Variants in PRMT7 observed in about 807,000 individuals in gnomAD.
The protein encoded by PRMT7 is protein arginine methyltransferase 7.
Under a neutral mutation model 85.4 loss-of-function variants are expected in PRMT7, and 75 were observed. The ratio of observed to expected loss-of-function variants is 0.88; its 90% CI spans 0.73 to 1.06. PRMT7 has a LOEUF of 1.06. PRMT7 is among the 50% of genes least tolerant of loss of function. PRMT7 has a pLI of 0.00. For synonymous variants in PRMT7, 397 were observed against 359.5 expected, an observed-to-expected ratio of 1.10 and a Z score of -1.18; for missense variants, 868 against 915.2, an observed-to-expected ratio of 0.95 and a Z score of 0.67.
At chr16:68,330,669 A>G (rs1026953621) in intron 6 of PRMT7, among the ~76,000 whole-genome samples, 1 of 152,064 alleles carries the variant, frequency 6.6e-6, no homozygotes, top group Non-Finnish European at 1.5e-5. Flanking sequence ...ATCTCAGCTC[A>G]CTGCAACCTC....
At chr16:68,328,049 A>G in intron 5 of PRMT7, 1 of 200,250 alleles carries the variant, frequency 5.0e-6, no homozygotes. Context: ...GTTAATTTAT[A>G]AATTATTATT....
chr16:68,332,249 C>T (rs1473666542), intron 6 of PRMT7, among the ~76,000 whole-genome samples: 1 of 152,152 alleles, frequency 6.6e-6, no homozygotes, highest in East Asian at 1.9e-4. Flanking sequence ...TGGACCCTGT[C>T]CTTTGCATTG....
chr16:68,335,372 G>T (rs1487627163), intron 6 of PRMT7, among the ~76,000 whole-genome samples: 1 of 141,248 alleles, frequency 7.1e-6, no homozygotes, highest in Non-Finnish European at 1.6e-5. Context: ...TTGATTGATT[G>T]AGGCAGAAAC....
In PRMT7 at chr16:68,339,486, CTCTG is replaced by C. The variant is rs773746102; in HGVS notation, c.675_678del (p.Cys226ThrfsTer4). The C allele has an allele frequency of 1.2e-6, 2 of 1,614,190 alleles. No homozygotes were observed. The highest frequency in any genetic ancestry group is 2.2e-5 in the East Asian group (1 of 44,874). ...ACGTGGAGAGCTGCCCTGGCGCACC[CTCTG>C]TCTGTGACATTCAGCTGAACCAGGT... is the stretch of plus-strand genomic sequence containing the variant. On this transcript the variant is annotated frameshift_variant, in exon 8 of 19. Coordinates refer to ENST00000441236, the MANE Select transcript of PRMT7 (RefSeq NM_019023.5). LOFTEE classifies it high-confidence loss of function.
intron 2 of PRMT7, among the ~76,000 whole-genome samples, chr16:68,314,547 T>G (rs1306185003): frequency 1.3e-5 from 2 of 152,236 alleles, no homozygotes; most frequent in African/African-American, 4.8e-5. Context: ...CTCATCTATT[T>G]GTGTAAGAAT....
intron 5 of PRMT7, among the ~76,000 whole-genome samples, chr16:68,327,617 C>A (rs1039892384): frequency 6.6e-6 from 1 of 152,218 alleles, no homozygotes; most frequent in East Asian, 1.9e-4. Flanking sequence ...TTTCACTTTT[C>A]GTGATTTCAG....
rs1597358322 is a variant in PRMT7, at chr16:68,339,604, T to A, written c.746+41T>A. The A allele has an allele frequency of 2.5e-6, 4 of 1,607,158 alleles. No homozygotes were observed. In the East Asian group the frequency reaches 8.9e-5, roughly 36 times the overall value. On this transcript the variant is annotated intron_variant, in intron 8 of 18. Transcript: ENST00000441236. Reference sequence around the variant, plus strand: ...CATAGGTGATGGCGCTTTGAGACATTTGATGGAAGTTGGGTATTAGGAGGT... The same window carrying A: ...CATAGGTGATGGCGCTTTGAGACATATGATGGAAGTTGGGTATTAGGAGGT...
At position 68,337,512 on chromosome 16, in the gene PRMT7, G is replaced by C. The variant is rs748180107; in HGVS notation, c.445G>C (p.Glu149Gln). ...NILVTELFDT[E>Q]LIGEGALPSY... The stretch of plus-strand genomic sequence containing the variant: ...CCTGGTCACAGAGTTGTTTGACACA[G>C]AGCTGATCGGGGAGGGGGCGCTGCC... Residue 149 changes from glutamate (E) to glutamine (Q), a missense_variant, in exon 7 of 19, where the codon GAG becomes CAG. Physicochemically the swap from Glu to Gln is conservative, Grantham distance 29. Transcript: ENST00000441236. 1 of 1,612,710 alleles carries C rather than the reference G, an allele frequency of 6.2e-7. No individual in the cohort carries two copies. The highest frequency in any genetic ancestry group is 8.5e-7 in the Non-Finnish European group (1 of 1,179,116).
chr16:68,345,845 T>G, intron 10 of PRMT7, 43 bp downstream of exon 10: 1 of 1,610,740 alleles, frequency 6.2e-7, no homozygotes. Context: ...CCTCTGAGAC[T>G]TGTATGTAAA....
At chr16:68,315,129 A>G (rs1336670417) in intron 2 of PRMT7, 2 of 151,452 alleles carry the variant, frequency 1.3e-5, no homozygotes, top group Admixed American at 6.6e-5. Context: ...AAAAAAAAAG[A>G]AAAAGAATGC....
At chr16:68,355,416 A>G (rs575264487) in intron 16 of PRMT7, 1 of 248,226 alleles carries the variant, frequency 4.0e-6, no homozygotes, top group South Asian at 1.6e-4. Flanking sequence ...GTGGTCACCA[A>G]GTTTCTAGGT....
chr16:68,322,061 C>T (rs544238054), intron 4 of PRMT7, among the ~76,000 whole-genome samples: 1 of 152,124 alleles, frequency 6.6e-6, no homozygotes, highest in East Asian at 1.9e-4. Flanking sequence ...GATTCTCCTG[C>T]CTCAACCTGC....
rs146543136 is a variant in PRMT7 at position 68,355,870 on chromosome 16, G to A, written c.1798G>A (p.Val600Met). 3.5e-5 allele frequency: 56 copies of A among 1,597,592 alleles called. No homozygotes were observed. Among genetic ancestry groups the A allele is most frequent in the Non-Finnish European group, 4.3e-5 (50 of 1,174,926 alleles). The stretch of plus-strand genomic sequence containing the variant: ...GCAGCCCCTGTGTGCCGAGGGCACC[G>A]TGGAGCTCAGAAGGTGGGTGCAGAG... ...PLQPLCAEGT[V>M]ELRRPGQSHA... The change falls in exon 17 of 19, where the codon GTG becomes ATG. Residue 600 changes from valine (V) to methionine (M), a missense_variant. Val to Met is a conservative substitution (Grantham distance 21, BLOSUM62 1). Transcript: ENST00000441236.
chr16:68,339,959 G>T lies in PRMT7; in HGVS notation c.918G>T (p.Glu306Asp). ...CCTTCTGGGCACACTCAGACCCAGA[G>T]GAGATGCAGGTAAGAGGCAGGAGCC... is the stretch of plus-strand genomic sequence containing the variant. The part of the protein sequence containing the change: ...MAPFWAHSDP[E>D]EMQWRDHWMQ... The change falls in exon 9 of 19, where the codon GAG (glutamate) becomes GAT (aspartate). Residue 306 changes from glutamate (E) to aspartate (D), a missense_variant. By Grantham distance (45) the Glu-to-Asp change is conservative. Transcript: ENST00000441236. 1 of 1,609,312 alleles carries T rather than the reference G, an allele frequency of 6.2e-7. No homozygotes were observed. Among genetic ancestry groups the T allele is most frequent in the East Asian group, 2.2e-5 (1 of 44,832 alleles).
chr16:68,343,651 G>A (rs1336759633), intron 9 of PRMT7, among the ~76,000 whole-genome samples: 3 of 152,122 alleles, frequency 2.0e-5, no homozygotes, highest in African/African-American at 7.2e-5. Flanking sequence ...GTCGGGAAAG[G>A]GTTCTCCTGT....
At chr16:68,354,515 G>A (rs1355939657) in intron 16 of PRMT7, 1 of 152,284 alleles carries the variant, frequency 6.6e-6, no homozygotes, top group Non-Finnish European at 1.5e-5. Context: ...AACATGGATT[G>A]CCTGTGTGTG....
chr16:68,314,948 AG>A (rs2044499768), intron 2 of PRMT7, among the ~76,000 whole-genome samples: 1 of 152,152 alleles, frequency 6.6e-6, no homozygotes, highest in Non-Finnish European at 1.5e-5. Flanking sequence ...TGAATAGATA[AG>A]AAGTAATCAC....
At chr16:68,356,671 ACTT>A (rs1229561756) in intron 17 of PRMT7, 27 bp from the exon 18 acceptor site, 1 of 1,569,272 alleles carries the variant, frequency 6.4e-7, no homozygotes, top group Non-Finnish European at 8.7e-7. Context: ...TTGTGTGACT[ACTT>A]CTGCTGGGCC....
At chr16:68,323,719 C>T (rs1183568116) in intron 4 of PRMT7, 2 of 152,126 alleles carry the variant, frequency 1.3e-5, no homozygotes, top group Non-Finnish European at 2.9e-5. Context: ...TCTGTATTAG[C>T]TGTCTAATGT....
Sources: allele counts gnomAD v4.1 joint callset (sites outside exome capture counted in the v4.1 genomes callset), GRCh38; gene constraint gnomAD v4.1.1; transcripts MANE v1.5; gene names NCBI Gene and HGNC (gene_info 2026-07-23, HGNC 2026-07-21).